The following AKR7A2 variants were observed in gnomAD, a reference collection of about 807,000 sequenced individuals.
AKR7A2 encodes aflatoxin B1 aldehyde reductase member 2.
AKR7A2 carries 29 observed loss-of-function variants against 37.3 expected under a neutral mutation model. That is an observed-to-expected ratio of 0.78 (90% CI 0.58 to 1.06). The LOEUF (loss-of-function observed/expected upper bound fraction) is 1.06. AKR7A2 is among the 50% of genes least tolerant of loss of function. The probability of loss-of-function intolerance (pLI) is 0.00; values close to 1 mark genes in which losing one functional copy is unlikely to be tolerated. For synonymous variants in AKR7A2, 228 were observed against 217.8 expected (o/e 1.05, Z -0.41); for missense variants, 529 against 497.9 (o/e 1.06, Z -0.59).
At chr1:19,307,623 T>C in intron 3 of AKR7A2, 1 of 624,172 alleles carries the variant, frequency 1.6e-6, no homozygotes, top group South Asian at 1.9e-5. Context: ...CTGTATGAAC[T>C]CCATGCTGGA....
At chr1:19,307,441 G>A (rs778355647) in intron 3 of AKR7A2, 31 bp from the exon 4 acceptor site, 4 of 1,611,916 alleles carry the variant, frequency 2.5e-6, no homozygotes, top group Admixed American at 1.7e-5. Context: ...GGGACAGGGT[G>A]GACATGTCAA....
chr1:19,309,248 C>G (rs531367471), intron 1 of AKR7A2, among the ~76,000 whole-genome samples: 7 of 152,312 alleles, frequency 4.6e-5, no homozygotes, highest in African/African-American at 1.4e-4. Context: ...CAGGGACAGA[C>G]CTCATCCCAA....
Position 19,307,364 on chromosome 1 carries a change from G to A in AKR7A2, c.638C>T (p.Pro213Leu). The change falls in exon 4 of 7, where the codon CCC becomes CTC. Residue 213 changes from proline to leucine, a missense_variant. Physicochemically the swap from Pro to Leu is moderately conservative, Grantham distance 98. Transcript: ENST00000235835. ...TTRQVETELF[P>L]CLRHFGLRFY... ...CCTCAGTCCAAAGTGCCTGAGGCAG[G>A]GGAAGAGCTCCGTTTCCACCTGCCG... 1 of 1,614,016 alleles carries A rather than the reference G, an allele frequency of 6.2e-7. No individual in the cohort carries two copies. The highest frequency in any genetic ancestry group is 1.3e-5 in the African/African-American group (1 of 75,060).
In AKR7A2 at chr1:19,312,116, A is replaced by T; in HGVS notation, c.9T>A (p.Ser3Arg). 1 of 1,319,414 alleles carries T rather than the reference A, an allele frequency of 7.6e-7. No individual in the cohort carries two copies. Among genetic ancestry groups the T allele is most frequent in the Non-Finnish European group, 9.6e-7 (1 of 1,043,854 alleles). 81.7% of individuals were successfully genotyped at this position (1,319,414 alleles called of 1,614,324 possible). Residue 3 changes from serine (S) to arginine (R), a missense_variant, in exon 1 of 7, where the codon AGT becomes AGA. Physicochemically the swap from Ser to Arg is moderately radical, Grantham distance 110. Transcript: ENST00000235835. ...CGCGGGAGACTACGCGAGACGCGGC[A>T]CTCAGCATAGCAGCGGCGCCTGCGC... is the stretch of plus-strand genomic sequence containing the variant. ML[S>R]AASRVVSRAA...
rs1201045739 is a variant in AKR7A2 at position 19,312,070 on chromosome 1, G to A, written c.55C>T (p.Arg19Cys). 3.7e-6 allele frequency: 5 copies of A among 1,356,104 alleles called. No individual in the cohort carries two copies. The highest frequency in any genetic ancestry group is 1.5e-5 in the African/African-American group (1 of 65,124). 84.0% of individuals were successfully genotyped at this position (1,356,104 alleles called of 1,614,324 possible). Residue 19 changes from arginine to cysteine, a missense_variant, in exon 1 of 7, where the codon CGC becomes TGC. By Grantham distance (180) the Arg-to-Cys change is radical. Coordinates refer to ENST00000235835, the MANE Select transcript of AKR7A2 (RefSeq NM_003689.4). ...VSRAAVHCAL[R>C]SPPPEARALA... ...GCGCGGGCCTCGGGCGGCGGAGAGC[G>A]AAGCGCGCAGTGGACGGCGGCGCGG...
intron 5 of AKR7A2, among the ~76,000 whole-genome samples, 173 bp downstream of exon 5, chr1:19,306,829 G>C (rs973413731): frequency 2.0e-5 from 3 of 152,102 alleles, no homozygotes; most frequent in African/African-American, 4.8e-5. Flanking sequence ...TTCCCCCCCA[G>C]AGGTCTCAAG....
Position 19,312,018 on chromosome 1 carries a change from G to A in AKR7A2, c.107C>T (p.Pro36Leu), listed in dbSNP as rs1272042315. The A allele has an allele frequency of 2.1e-5, 30 of 1,455,042 alleles. No homozygotes were observed. Among genetic ancestry groups the A allele is most frequent in the Non-Finnish European group, 2.5e-5 (28 of 1,108,632 alleles). The allele number at this position is 1,455,042 out of a possible 1,614,324, so 90.1% of individuals were successfully genotyped here. Reference protein sequence around the residue: ...RALAMSRPPPPRVASVLGTME... With the variant: ...RALAMSRPPPLRVASVLGTME... ...GGTGCCCAGCACCGAGGCGACCCGC[G>A]GTGGCGGTGGCCGGGACATGGCGAG... Residue 36 changes from proline (P) to leucine (L), a missense_variant, in exon 1 of 7, where the codon CCG becomes CTG. Physicochemically the swap from Pro to Leu is moderately conservative, Grantham distance 98. Transcript: ENST00000235835.
At chr1:19,311,195 C>A (rs1289293964) in intron 1 of AKR7A2, among the ~76,000 whole-genome samples, 1 of 152,214 alleles carries the variant, frequency 6.6e-6, no homozygotes, top group Non-Finnish European at 1.5e-5. Flanking sequence ...GCAATCATTA[C>A]TTCAATCTTC....
intron 1 of AKR7A2, among the ~76,000 whole-genome samples, chr1:19,310,697 A>G (rs2093771633): frequency 6.6e-6 from 1 of 152,080 alleles, no homozygotes; most frequent in South Asian, 2.1e-4. Context: ...CAAAAACAAC[A>G]ACATGCAGCC....
chr1:19,307,440 T>C, intron 3 of AKR7A2, 30 bp from the exon 4 acceptor site: 1 of 1,612,366 alleles, frequency 6.2e-7, no homozygotes, highest in Non-Finnish European at 8.5e-7. Flanking sequence ...GGGGACAGGG[T>C]GGACATGTCA....
intron 6 of AKR7A2, among the ~76,000 whole-genome samples, chr1:19,304,819 G>C (rs75811233): frequency 5.9e-5 from 9 of 152,208 alleles, no homozygotes; most frequent in Non-Finnish European, 8.8e-5. Flanking sequence ...TGCATGCCTT[G>C]TCCCAGCTAC....
Position 19,307,014 on chromosome 1 carries a change from G to A in AKR7A2, c.776C>T (p.Thr259Ile). The A allele has an allele frequency of 6.2e-7, 1 of 1,614,142 alleles. No homozygotes were observed. The highest frequency in any genetic ancestry group is 1.1e-5 in the South Asian group (1 of 91,084). ...ACCCCCGGCTCACCGATTCCTGTAG[G>A]TCTCAGCCCAGCTATTCCCAAAGAA... ...GRFFGNSWAETYRNRFWKEHH... is the reference protein window; with the variant it reads ...GRFFGNSWAEIYRNRFWKEHH... Residue 259 changes from threonine (T) to isoleucine (I), a missense_variant, in exon 5 of 7, where the codon ACC (threonine) becomes ATC (isoleucine). Thr to Ile is a moderately conservative substitution (Grantham distance 89). Transcript: ENST00000235835.
In AKR7A2 at chr1:19,308,185, A is replaced by T. The variant is rs749041413; in HGVS notation, c.564T>A (p.Asn188Lys). 1 of 1,614,078 alleles carries T rather than the reference A, an allele frequency of 6.2e-7. No individual in the cohort carries two copies. Among genetic ancestry groups the T allele is most frequent in the Middle Eastern group, 1.7e-4 (1 of 6,060 alleles). Residue 188 changes from asparagine to lysine, a missense_variant, in exon 3 of 7, where the codon AAT becomes AAA. Asn to Lys is a moderately conservative substitution (Grantham distance 94, BLOSUM62 0). Transcript: ENST00000235835. Reference sequence around the variant, plus strand: ...GGTACACAGTGGGCAGGATCCAGCCATTGCTCTTGCAGAGGGTACAGATCT... The same window carrying T: ...GGTACACAGTGGGCAGGATCCAGCCTTTGCTCTTGCAGAGGGTACAGATCT... ...VAEICTLCKSNGWILPTVYQG... is the reference protein window; with the variant it reads ...VAEICTLCKSKGWILPTVYQG...
At chr1:19,306,399 G>A (rs2093761735) in intron 5 of AKR7A2, among the ~76,000 whole-genome samples, 2 of 152,108 alleles carry the variant, frequency 1.3e-5, no homozygotes, top group Admixed American at 1.3e-4. Flanking sequence ...CTAGGGACAC[G>A]AAGGCTGCTC....
intron 1 of AKR7A2, among the ~76,000 whole-genome samples, 196 bp downstream of exon 1, chr1:19,311,631 G>C (rs951631897): frequency 6.6e-6 from 1 of 152,098 alleles, no homozygotes; most frequent in Admixed American, 6.5e-5. Flanking sequence ...AAGGGAAGGA[G>C]AGTGGGGGAA....
At chr1:19,311,716 A>T in intron 1 of AKR7A2, 111 bp downstream of exon 1, 1 of 1,388,068 alleles carries the variant, frequency 7.2e-7, no homozygotes, top group Non-Finnish European at 1.0e-6. Context: ...GTGGGGAGCG[A>T]GGGACGAATC....
In AKR7A2 at chr1:19,304,348, G is replaced by C. The variant is rs779576937; in HGVS notation, c.957C>G (p.Ser319Arg). 1 of 1,614,130 alleles carries C rather than the reference G, an allele frequency of 6.2e-7. No individual in the cohort carries two copies. Reference sequence around the variant, plus strand: ...CCAAGTTCTGCTCCAGCTGCTCCAGGCTGGACATGCCCAGGATGACCGCGT... The same window carrying C: ...CCAAGTTCTGCTCCAGCTGCTCCAGCCTGGACATGCCCAGGATGACCGCGT... Reference protein sequence around the residue: ...HGDAVILGMSSLEQLEQNLAA... With the variant: ...HGDAVILGMSRLEQLEQNLAA... The change falls in exon 7 of 7, where the codon AGC becomes AGG. Residue 319 changes from serine to arginine, a missense_variant. Physicochemically the swap from Ser to Arg is moderately radical, Grantham distance 110. Coordinates refer to ENST00000235835, the MANE Select transcript of AKR7A2 (RefSeq NM_003689.4).
rs377217513 is a variant in AKR7A2, at chr1:19,308,254, G to A, written c.495C>T (p.Phe165=). The part of the protein sequence containing the change: ...ACQRLHQEGK[F]VELGLSNYAS... Reference sequence around the variant, plus strand: ...CATAGTTGGAGAGGCCAAGCTCCACGAACTTGCCCTGCATGGGTGAGGCTC... The same window carrying A: ...CATAGTTGGAGAGGCCAAGCTCCACAAACTTGCCCTGCATGGGTGAGGCTC... Residue 165 remains phenylalanine, a synonymous_variant, in exon 3 of 7, where the codon TTC becomes TTT. Coordinates refer to ENST00000235835, the MANE Select transcript of AKR7A2 (RefSeq NM_003689.4). The A allele has an allele frequency of 3.9e-5, 63 of 1,614,194 alleles. No individual in the cohort carries two copies. Among genetic ancestry groups the A allele is most frequent in the Admixed American group, 8.3e-5 (5 of 60,036 alleles).
Position 19,304,109 on chromosome 1 carries a change from A to G in AKR7A2, c.*116T>C. 1 of 1,528,500 alleles carries G rather than the reference A, an allele frequency of 6.5e-7. No individual in the cohort carries two copies. Among genetic ancestry groups the G allele is most frequent in the African/African-American group, 1.4e-5 (1 of 73,074 alleles). The allele number at this position is 1,528,500 out of a possible 1,614,324, so 94.7% of individuals were successfully genotyped here. ...AGGCAGGAAGCTAGAAAAATAATGC[A>G]TGGATCTAGACAATTCAGAAAAACC... On this transcript the variant is annotated 3_prime_UTR_variant, in exon 7 of 7. Coordinates refer to ENST00000235835, the MANE Select transcript of AKR7A2 (RefSeq NM_003689.4).
Sources: allele counts gnomAD v4.1 joint callset (sites outside exome capture counted in the v4.1 genomes callset), GRCh38; gene constraint gnomAD v4.1.1; transcripts MANE v1.5; gene names NCBI Gene and HGNC (gene_info 2026-07-23, HGNC 2026-07-21).